Variants in SLC39A11 observed in about 807,000 individuals in gnomAD.
SLC39A11 encodes the protein zinc transporter ZIP11.
Under a neutral mutation model 36.1 loss-of-function variants are expected in SLC39A11, and 33 were observed. The observed-to-expected ratio is 0.91, with a 90% CI of 0.69 to 1.22. SLC39A11 has a LOEUF of 1.22. SLC39A11 is among the 50% of genes most tolerant of loss of function. SLC39A11 has a pLI of 0.00. For missense variants in SLC39A11, 432 were observed against 430.3 expected (o/e 1.00, Z -0.03); for synonymous variants, 166 against 170.3 (o/e 0.97, Z 0.20).
intron 7 of SLC39A11, among the ~76,000 whole-genome samples, chr17:72,658,973 A>G (rs947855060): frequency 6.6e-6 from 1 of 151,984 alleles, no homozygotes; most frequent in Non-Finnish European, 1.5e-5. Context: ...CAGACTGGTG[A>G]CCTCCCAGCC....
chr17:72,780,522 G>GA (rs1555670198), intron 6 of SLC39A11, among the ~76,000 whole-genome samples: 3 of 133,628 alleles, frequency 2.2e-5, no homozygotes, highest in Admixed American at 7.3e-5. Flanking sequence ...CCTGAAGATG[G>GA]GGGGCGGGTG....
chr17:72,714,962 A>T (rs909087440), intron 7 of SLC39A11, among the ~76,000 whole-genome samples: 1 of 152,166 alleles, frequency 6.6e-6, no homozygotes, highest in African/African-American at 2.4e-5. Flanking sequence ...ACATATTCAA[A>T]ACCACTTCAC....
At chr17:72,787,864 T>A (rs185018388) in intron 6 of SLC39A11, among the ~76,000 whole-genome samples, 17 of 152,270 alleles carry the variant, frequency 1.1e-4, no homozygotes, top group Non-Finnish European at 2.1e-4. Flanking sequence ...CCTCCTTCCC[T>A]GGGCTCCCTT....
chr17:73,077,538 G>T (rs939263702), intron 3 of SLC39A11, among the ~76,000 whole-genome samples: 2 of 152,182 alleles, frequency 1.3e-5, no homozygotes, highest in African/African-American at 4.8e-5. Context: ...ATGTTGTCCA[G>T]ACTGGTCTCA....
chr17:73,048,425 C>G (rs540489099), intron 3 of SLC39A11, among the ~76,000 whole-genome samples: 2 of 152,294 alleles, frequency 1.3e-5, no homozygotes, highest in South Asian at 4.1e-4. Context: ...ATTTTCTCCA[C>G]CCAGTCCACC....
At chr17:72,879,340 A>G (rs1483422484) in intron 5 of SLC39A11, among the ~76,000 whole-genome samples, 1 of 152,228 alleles carries the variant, frequency 6.6e-6, no homozygotes, top group East Asian at 1.9e-4. Flanking sequence ...CCCAGCCACC[A>G]GCCATCTCGC....
intron 4 of SLC39A11, among the ~76,000 whole-genome samples, chr17:73,010,774 G>A (rs1447072661): frequency 6.6e-6 from 1 of 152,146 alleles, no homozygotes; most frequent in Non-Finnish European, 1.5e-5. Flanking sequence ...TTTGTCTCCT[G>A]CGTGTTTAAT....
At chr17:72,886,985 A>C (rs2081469074) in intron 5 of SLC39A11, among the ~76,000 whole-genome samples, 1 of 152,144 alleles carries the variant, frequency 6.6e-6, no homozygotes, top group Admixed American at 6.5e-5. Context: ...TGACTGCCTG[A>C]TCTAAAATAA....
At chr17:72,906,032 C>T (rs1477038709) in intron 5 of SLC39A11, among the ~76,000 whole-genome samples, 3 of 152,184 alleles carry the variant, frequency 2.0e-5, no homozygotes, top group Non-Finnish European at 4.4e-5. Context: ...GGATTACAGG[C>T]GTGAGCCACC....
At chr17:72,783,981 G>A (rs2076412885) in intron 6 of SLC39A11, among the ~76,000 whole-genome samples, 1 of 152,126 alleles carries the variant, frequency 6.6e-6, no homozygotes, top group African/African-American at 2.4e-5. Flanking sequence ...AGATGGGAAA[G>A]GGAACTGGAG....
intron 7 of SLC39A11, among the ~76,000 whole-genome samples, chr17:72,724,348 A>G (rs2073834456): frequency 6.6e-6 from 1 of 152,030 alleles, no homozygotes; most frequent in Non-Finnish European, 1.5e-5. Flanking sequence ...AAAACAGATA[A>G]TTTTCCAAAA....
intron 6 of SLC39A11, among the ~76,000 whole-genome samples, chr17:72,843,612 C>T (rs760967697): frequency 2.0e-5 from 3 of 152,164 alleles, no homozygotes; most frequent in Non-Finnish European, 4.4e-5. Context: ...AACCTGACCA[C>T]GACCATGCTG....
rs144178730 is a variant in SLC39A11, at chr17:72,820,193, G to A, written c.601+29441C>T. ...AATAAAAGTGGTACCATTGCCTGCT[G>A]GAAAAGGTAGGTATGGGAGAAACTG... On this transcript the variant is annotated intron_variant, in intron 6 of 9. Transcript: ENST00000255559. 9.9e-5 allele frequency among the ~76,000 whole-genome samples: 15 copies of A among 151,324 alleles called. No homozygotes were observed. The East Asian group carries it at 2.7e-3, about 27-fold the overall frequency.
intron 3 of SLC39A11, among the ~76,000 whole-genome samples, chr17:73,063,304 G>C (rs2059902432): frequency 6.6e-6 from 1 of 151,382 alleles, no homozygotes; most frequent in South Asian, 2.1e-4. Flanking sequence ...ATTCTCACTG[G>C]GATATACAGA....
chr17:72,948,628 C>T (rs1008476468), intron 4 of SLC39A11, among the ~76,000 whole-genome samples: 4 of 152,212 alleles, frequency 2.6e-5, no homozygotes, highest in Admixed American at 6.5e-5. Context: ...AGAATGCACA[C>T]ATATTTAGAG....
At chr17:72,777,469 C>G (rs1323975147) in intron 6 of SLC39A11, among the ~76,000 whole-genome samples, 1 of 152,052 alleles carries the variant, frequency 6.6e-6, no homozygotes, top group East Asian at 1.9e-4. Context: ...GGGTGGGTCC[C>G]CAATCCAATG....
intron 4 of SLC39A11, among the ~76,000 whole-genome samples, chr17:72,999,800 G>A (rs2089717283): frequency 1.3e-5 from 2 of 152,182 alleles, no homozygotes; most frequent in Admixed American, 1.3e-4. Flanking sequence ...GAGTGCAGTG[G>A]TGCGATCTCA....
In SLC39A11 at chr17:73,091,555, G is replaced by A. The variant is rs968161; in HGVS notation, c.-12+1056C>T. 2.9e-3 allele frequency among the ~76,000 whole-genome samples: 438 copies of A among 152,308 alleles called. 7 individuals are homozygous for A. In the East Asian group the frequency reaches 0.055, roughly 19 times the overall value. On this transcript the variant is annotated intron_variant, in intron 1 of 9. Transcript: ENST00000255559. Reference sequence around the variant, plus strand: ...GTGGGATTGGCAAGAGCAAAGAAGAGTCCCAAAAGAACAGAAAGTTTTCTG... The same window carrying A: ...GTGGGATTGGCAAGAGCAAAGAAGAATCCCAAAAGAACAGAAAGTTTTCTG...
chr17:72,676,271 G>A (rs1173572661), intron 7 of SLC39A11, among the ~76,000 whole-genome samples: 2 of 152,096 alleles, frequency 1.3e-5, no homozygotes, highest in Admixed American at 6.6e-5. Context: ...TAGACACTGC[G>A]GGATGTCCAG....
Sources: allele counts gnomAD v4.1 joint callset (sites outside exome capture counted in the v4.1 genomes callset), GRCh38; gene constraint gnomAD v4.1.1; transcripts MANE v1.5; gene names NCBI Gene and HGNC (gene_info 2026-07-23, HGNC 2026-07-21).